The following XKR4 variants were observed in gnomAD, a reference collection of about 807,000 sequenced individuals.
XKR4 encodes the protein XK-related protein 4.
Under a neutral mutation model 53.9 loss-of-function variants are expected in XKR4, and 12 were observed. That is an observed-to-expected ratio of 0.22 (90% CI 0.14 to 0.36). The LOEUF is 0.36. Among genes scored for constraint, XKR4 ranks in the 10% least tolerant of loss-of-function variants. The pLI is 1.00. For synonymous variants in XKR4, 354 were observed against 362.4 expected (o/e 0.98, Z 0.26); for missense variants, 799 against 859.5 (o/e 0.93, Z 0.88).
chr8:55,392,381 G>A (rs1804455799), intron 2 of XKR4, among the ~76,000 whole-genome samples: 1 of 152,116 alleles, frequency 6.6e-6, no homozygotes, highest in Non-Finnish European at 1.5e-5. Flanking sequence ...GAAAACCAAA[G>A]CCAACACAAA....
In XKR4 at chr8:55,523,280, G is replaced by A; in HGVS notation, c.1007-1G>A. On this transcript the variant is annotated splice_acceptor_variant, in intron 2 of 2. Transcript: ENST00000327381. LOFTEE classifies it high-confidence loss of function. ...CACTGTCTTCCTGTTTGCCTTTGTA[G>A]GTTTCACAGCGGCAGCTTCCCTCGT... 6.3e-7 allele frequency: 1 copy of A among 1,592,846 alleles called. No homozygotes were observed. The highest frequency in any genetic ancestry group is 8.6e-7 in the Non-Finnish European group (1 of 1,169,052).
chr8:55,162,688 G>A (rs1360927022), intron 1 of XKR4, among the ~76,000 whole-genome samples: 1 of 152,126 alleles, frequency 6.6e-6, no homozygotes, highest in Non-Finnish European at 1.5e-5. Context: ...TAAGCACACA[G>A]AAAGCATAGT....
chr8:55,382,508 G>T (rs946919095), intron 2 of XKR4, among the ~76,000 whole-genome samples: 1 of 152,194 alleles, frequency 6.6e-6, no homozygotes, highest in African/African-American at 2.4e-5. Flanking sequence ...GATTCTTAAT[G>T]TTGCCAGAGT....
At chr8:55,385,173 G>A (rs1334919103) in intron 2 of XKR4, among the ~76,000 whole-genome samples, 1 of 152,110 alleles carries the variant, frequency 6.6e-6, no homozygotes, top group African/African-American at 2.4e-5. Context: ...TCATATGCTG[G>A]TTCTGAAGGC....
chr8:55,315,470 C>T (rs1224763983), intron 1 of XKR4, among the ~76,000 whole-genome samples: 8 of 152,172 alleles, frequency 5.3e-5, no homozygotes, highest in Non-Finnish European at 1.2e-4. Context: ...TGCTGGCACT[C>T]CCACGCTGAG....
chr8:55,332,203 T>C (rs545225631), intron 1 of XKR4, among the ~76,000 whole-genome samples: 1 of 152,254 alleles, frequency 6.6e-6, no homozygotes, highest in East Asian at 1.9e-4. Context: ...AACTACTCTT[T>C]TACAACTGTA....
chr8:55,164,449 A>C, intron 1 of XKR4: 1 of 456,314 alleles, frequency 2.2e-6, no homozygotes, highest in Non-Finnish European at 4.4e-6. Flanking sequence ...CCTTGAGGAC[A>C]GAGCTGGAAG....
chr8:55,145,450 C>T (rs1037190383), intron 1 of XKR4, among the ~76,000 whole-genome samples: 3 of 151,584 alleles, frequency 2.0e-5, no homozygotes, highest in Non-Finnish European at 4.4e-5. Flanking sequence ...AATGTAATTT[C>T]CCTAAGAGGA....
chr8:55,510,259 C>CA (rs1277762435), intron 2 of XKR4, among the ~76,000 whole-genome samples: 1 of 152,062 alleles, frequency 6.6e-6, no homozygotes. Context: ...AGGAGTCCTT[C>CA]AGGTGGAGAA....
At chr8:55,334,170 G>A (rs1186612872) in intron 1 of XKR4, among the ~76,000 whole-genome samples, 1 of 152,170 alleles carries the variant, frequency 6.6e-6, no homozygotes, top group Non-Finnish European at 1.5e-5. Flanking sequence ...AGATGTCAGA[G>A]AGGACTGAAT....
intron 2 of XKR4, among the ~76,000 whole-genome samples, chr8:55,505,131 G>A (rs962733837): frequency 6.6e-6 from 1 of 152,010 alleles, no homozygotes; most frequent in African/African-American, 2.4e-5. Flanking sequence ...TTTTTAAGGT[G>A]TAAAGCTAGA....
chr8:55,515,979 G>C (rs1227209067), intron 2 of XKR4, among the ~76,000 whole-genome samples: 1 of 152,216 alleles, frequency 6.6e-6, no homozygotes, highest in Non-Finnish European at 1.5e-5. Flanking sequence ...TGGAGCTTTG[G>C]AAGCAGGACT....
intron 2 of XKR4, among the ~76,000 whole-genome samples, chr8:55,427,246 T>C (rs562298233): frequency 5.3e-5 from 8 of 152,354 alleles, no homozygotes; most frequent in Non-Finnish European, 1.2e-4. Flanking sequence ...AGTAAAAGTA[T>C]ATTAGATGAT....
chr8:55,342,379 C>T (rs1803566508), intron 1 of XKR4, among the ~76,000 whole-genome samples: 1 of 152,168 alleles, frequency 6.6e-6, no homozygotes, highest in African/African-American at 2.4e-5. Flanking sequence ...TCTACACTCG[C>T]TCCCCTTCAT....
At chr8:55,252,484 G>C (rs1366308616) in intron 1 of XKR4, among the ~76,000 whole-genome samples, 1 of 152,154 alleles carries the variant, frequency 6.6e-6, no homozygotes, top group Non-Finnish European at 1.5e-5. Context: ...ACGGGTAGCT[G>C]GCTGGGGAGG....
rs1285621115 is a variant in XKR4, at chr8:55,536,228, A to G, written c.*12001A>G. On this transcript the variant is annotated 3_prime_UTR_variant, in exon 3 of 3. Transcript: ENST00000327381. ...AATTCTTGAGAGAATAATTTTCAGA[A>G]TAATGGAGGTGGAAAGAAATGAACA... 2 of 152,250 alleles carry G rather than the reference A, an allele frequency of 1.3e-5. No individual in the cohort carries two copies. The highest frequency in any genetic ancestry group is 2.9e-5 in the Non-Finnish European group (2 of 68,036). 9.4% of individuals were successfully genotyped at this position (152,250 alleles called of 1,614,324 possible). A position where few individuals can be genotyped will look rare whatever the true frequency, so the allele number is the denominator to read the frequency against.
chr8:55,341,886 T>A (rs1205398980), intron 1 of XKR4, among the ~76,000 whole-genome samples: 1 of 151,932 alleles, frequency 6.6e-6, no homozygotes, highest in Admixed American at 6.6e-5. Context: ...CCACTCATAG[T>A]AAGGATGCAC....
chr8:55,200,530 A>T (rs1408190040), intron 1 of XKR4, among the ~76,000 whole-genome samples: 2 of 152,236 alleles, frequency 1.3e-5, no homozygotes, highest in Non-Finnish European at 2.9e-5. Flanking sequence ...TATAAACATA[A>T]TATTAGTAAA....
intron 1 of XKR4, among the ~76,000 whole-genome samples, chr8:55,291,584 G>C (rs1415549538): frequency 6.6e-6 from 1 of 152,058 alleles, no homozygotes; most frequent in Non-Finnish European, 1.5e-5. Flanking sequence ...ATTGTATTAG[G>C]TTTACACATA....
Sources: allele counts gnomAD v4.1 joint callset (sites outside exome capture counted in the v4.1 genomes callset), GRCh38; gene constraint gnomAD v4.1.1; transcripts MANE v1.5; gene names NCBI Gene and HGNC (gene_info 2026-07-23, HGNC 2026-07-21).